The following USP9X variants were observed in gnomAD, a reference collection of about 807,000 sequenced individuals.
USP9X encodes the protein ubiquitin carboxyl-terminal hydrolase 9X.
In USP9X, 7 loss-of-function variants were observed where a neutral mutation model predicts 190.3. The observed-to-expected ratio is 0.04, with a 90% CI of 0.02 to 0.07. USP9X has a LOEUF of 0.07. Ranked by LOEUF, USP9X falls within the 10% of genes least tolerant of loss-of-function variation. USP9X has a pLI of 1.00. For synonymous variants in USP9X, 645 were observed against 659.5 expected, an observed-to-expected ratio of 0.98 and a Z score of 0.34; for missense variants, 1,010 against 1,916.9, an observed-to-expected ratio of 0.53 and a Z score of 8.83.
chrX:41,099,849 T>A (rs1223300226), intron 1 of USP9X, among the ~76,000 whole-genome samples: 1 of 111,775 alleles, frequency 8.9e-6, no homozygotes, highest in Non-Finnish European at 1.9e-5. Context: ...ATACAAAAAT[T>A]AGCTAGGCTT....
chrX:41,168,562 C>T (rs1176770554), intron 18 of USP9X, among the ~76,000 whole-genome samples: 2 of 112,190 alleles, frequency 1.8e-5, no homozygotes, highest in African/African-American at 3.2e-5. Flanking sequence ...GCTGGAATGC[C>T]GAGGTGTAAT....
intron 11 of USP9X, among the ~76,000 whole-genome samples, chrX:41,145,470 A>G (rs1231374469): frequency 2.7e-5 from 3 of 112,014 alleles, no homozygotes; most frequent in Non-Finnish European, 3.8e-5. Flanking sequence ...GATAGATAAA[A>G]CATAGAATAG....
intron 33 of USP9X, among the ~76,000 whole-genome samples, chrX:41,211,578 G>A (rs2063157909): frequency 8.8e-6 from 1 of 113,552 alleles, no homozygotes; most frequent in African/African-American, 3.2e-5. Flanking sequence ...CGTCCGGGAG[G>A]TGAGGGGTGC....
intron 26 of USP9X, among the ~76,000 whole-genome samples, chrX:41,190,174 A>G (rs1381313151): frequency 8.9e-6 from 1 of 112,435 alleles, no homozygotes; most frequent in Non-Finnish European, 1.9e-5. Flanking sequence ...ATGCCATTCA[A>G]TAATGACAAA....
intron 2 of USP9X, 122 bp from the exon 3 acceptor site, chrX:41,128,878 T>C (rs1296928206): frequency 1.4e-6 from 1 of 728,858 alleles, no homozygotes; most frequent in African/African-American, 2.2e-5. Context: ...GCAGAACCCA[T>C]GGATATGTAG....
chrX:41,166,665 G>A (rs182711606), intron 16 of USP9X, among the ~76,000 whole-genome samples: 1 of 111,524 alleles, frequency 9.0e-6, no homozygotes, highest in African/African-American at 3.3e-5. Flanking sequence ...ATACCTGGGG[G>A]AATAAAATAC....
intron 26 of USP9X, among the ~76,000 whole-genome samples, chrX:41,194,004 T>A (rs1487796729): frequency 8.9e-6 from 1 of 112,058 alleles, no homozygotes; most frequent in Non-Finnish European, 1.9e-5. Flanking sequence ...ATTGAAAAAT[T>A]AGTAAACCAA....
chrX:41,116,777 C>CTT (rs11420684), intron 1 of USP9X, among the ~76,000 whole-genome samples: 1 of 110,540 alleles, frequency 9.0e-6, no homozygotes, highest in Admixed American at 9.7e-5. Context: ...TCATGGCTTT[C>CTT]TTTTTTTTGT....
At chrX:41,164,346 GT>G (rs113182372) in intron 15 of USP9X, among the ~76,000 whole-genome samples, 14,061 of 103,459 alleles carry the variant, frequency 0.14, 885 homozygotes, top group East Asian at 0.22. Context: ...AAAGTGCATT[GT>G]TTTTTTTTTT....
At chrX:41,155,251 T>C in intron 14 of USP9X, among the ~76,000 whole-genome samples, 1 of 111,837 alleles carries the variant, frequency 8.9e-6, no homozygotes, top group Non-Finnish European at 1.9e-5. Flanking sequence ...CTATAAACAT[T>C]ATTTAGATAA....
chrX:41,187,076 G>T (rs1172255186), intron 24 of USP9X, among the ~76,000 whole-genome samples: 1 of 108,846 alleles, frequency 9.2e-6, no homozygotes, highest in African/African-American at 3.4e-5. Flanking sequence ...CTGGTGATCT[G>T]CCTGCCTCAG....
chrX:41,177,653 A>G (rs982448463), intron 21 of USP9X, among the ~76,000 whole-genome samples: 1 of 112,247 alleles, frequency 8.9e-6, no homozygotes, highest in Non-Finnish European at 1.9e-5. Context: ...TTGTTTTATC[A>G]TCTATTGTGA....
At chrX:41,201,988 G>A (rs917442020) in intron 31 of USP9X, among the ~76,000 whole-genome samples, 5 of 112,244 alleles carry the variant, frequency 4.5e-5, no homozygotes, top group African/African-American at 1.6e-4. Flanking sequence ...AAAAGCAACA[G>A]TTAATGTACT....
At chrX:41,114,301 A>G (rs951451427) in intron 1 of USP9X, among the ~76,000 whole-genome samples, 5 of 111,865 alleles carry the variant, frequency 4.5e-5, no homozygotes, top group African/African-American at 1.6e-4. Flanking sequence ...AAAGTTTCTT[A>G]TAAGAAAAAG....
At chrX:41,127,766 C>A (rs1356999980) in intron 2 of USP9X, among the ~76,000 whole-genome samples, 1 of 112,193 alleles carries the variant, frequency 8.9e-6, no homozygotes, top group Non-Finnish European at 1.9e-5. Context: ...CATCTGTCTT[C>A]GTGCAAGTGC....
In USP9X at chrX:41,141,062, A is replaced by G. The variant is rs1393168961; in HGVS notation, c.867A>G (p.Leu289=). ...TGGTTCCACAGTTTTTAGAAAACTT[A>G]ACTGATGAAGAACTGAAAAAAGAAG... ...IEMVPQFLEN[L]TDEELKKEAK... Residue 289 remains leucine (L), a synonymous_variant, in exon 8 of 45, where the codon TTA becomes TTG. Transcript: ENST00000378308. 9.1e-6 allele frequency: 11 copies of G among 1,207,386 alleles called. No homozygotes were observed. Among genetic ancestry groups the G allele is most frequent in the Middle Eastern group, 2.3e-4 (1 of 4,314 alleles).
Position 41,218,601 on chromosome X carries a change from A to G in USP9X, c.6435+4A>G. On this transcript the variant is annotated splice_donor_region_variant and intron_variant, in intron 37 of 44. Coordinates refer to ENST00000378308, the MANE Select transcript of USP9X (RefSeq NM_001039591.3). ...CTCTCCTGGACCTTCTAGTCAGGTAATTGCACAGCTTTCTTTCTAAATGAT... is the reference window on the plus strand; with the variant it reads ...CTCTCCTGGACCTTCTAGTCAGGTAGTTGCACAGCTTTCTTTCTAAATGAT... The G allele has an allele frequency of 8.4e-7, 1 of 1,190,119 alleles. No homozygotes were observed.
At chrX:41,133,687 T>G (rs113462051) in intron 4 of USP9X, among the ~76,000 whole-genome samples, 1 of 112,373 alleles carries the variant, frequency 8.9e-6, no homozygotes, top group South Asian at 3.6e-4. Flanking sequence ...TGAGCACATG[T>G]GATGTTTGTC....
At chrX:41,133,706 C>G (rs1383646784) in intron 4 of USP9X, among the ~76,000 whole-genome samples, 2 of 112,060 alleles carry the variant, frequency 1.8e-5, no homozygotes, top group Admixed American at 9.5e-5. Flanking sequence ...TCTTTCTGTG[C>G]TTGGCTTATT....
Sources: gnomAD v4.1 joint callset for allele counts (sites outside exome capture counted in the v4.1 genomes callset) on GRCh38, gnomAD v4.1.1 for gene constraint, MANE v1.5 for transcripts, NCBI Gene and HGNC (gene_info 2026-07-23, HGNC 2026-07-21) for gene names.